The following CGGBP1 variants were observed in gnomAD, a reference collection of about 807,000 sequenced individuals.
CGGBP1 encodes CGG triplet repeat binding protein 1.
In CGGBP1, 4 loss-of-function variants were observed where a neutral mutation model predicts 11.4. The ratio of observed to expected loss-of-function variants is 0.35; its 90% CI spans 0.17 to 0.80. The LOEUF (loss-of-function observed/expected upper bound fraction) is 0.80, where lower values mean the gene tolerates loss of function less well. Among genes scored for constraint, CGGBP1 ranks in the 30% least tolerant of loss-of-function variants. The pLI is 0.52. For missense variants in CGGBP1, 135 were observed against 202.1 expected (o/e 0.67, Z 2.01); for synonymous variants, 76 against 74.1 (o/e 1.03, Z -0.13).
At position 88,054,420 on chromosome 3, in the gene CGGBP1, A is replaced by G. The variant is rs1706494510; in HGVS notation, c.*1053T>C. On this transcript the variant is annotated 3_prime_UTR_variant, in exon 4 of 4. Coordinates refer to ENST00000482016, the MANE Select transcript of CGGBP1 (RefSeq NM_001008390.2). Reference sequence around the variant, plus strand: ...GATACTGCCAGATCTCCAATACAAAAAACCTGCCAGAATTTCTAGACAATT... The same window carrying G: ...GATACTGCCAGATCTCCAATACAAAGAACCTGCCAGAATTTCTAGACAATT... The G allele has an allele frequency of 6.6e-6, 1 of 152,182 alleles. No individual in the cohort carries two copies. Among genetic ancestry groups the G allele is most frequent in the Admixed American group, 6.5e-5 (1 of 15,276 alleles). 9.4% of individuals were successfully genotyped at this position (152,182 alleles called of 1,614,324 possible).
chr3:88,111,884 T>A (rs1705109948), intron 2 of CGGBP1, among the ~76,000 whole-genome samples: 2 of 152,062 alleles, frequency 1.3e-5, no homozygotes, highest in South Asian at 4.2e-4. Flanking sequence ...CATTTAATCT[T>A]TATAATTTTG....
intron 2 of CGGBP1, among the ~76,000 whole-genome samples, chr3:88,096,522 T>A (rs961307697): frequency 2.6e-5 from 4 of 152,138 alleles, no homozygotes; most frequent in African/African-American, 9.7e-5. Flanking sequence ...CAAAGACCTT[T>A]GTTTTGGAAG....
chr3:88,143,226 T>A (rs1271331528), intron 1 of CGGBP1: 1 of 150,568 alleles, frequency 6.6e-6, no homozygotes, highest in Non-Finnish European at 1.5e-5. Flanking sequence ...GATCAGATGA[T>A]TTTTTTTTAA....
At chr3:88,076,584 G>GTT (rs1015810988) in intron 2 of CGGBP1, among the ~76,000 whole-genome samples, 2 of 151,462 alleles carry the variant, frequency 1.3e-5, no homozygotes, top group African/African-American at 4.9e-5. Flanking sequence ...GTTTTGTTTT[G>GTT]TTTTGTTTTA....
At chr3:88,064,269 A>C (rs1345595479) in intron 2 of CGGBP1, among the ~76,000 whole-genome samples, 2 of 152,060 alleles carry the variant, frequency 1.3e-5, no homozygotes, top group Admixed American at 6.6e-5. Context: ...GTTGTTTTAG[A>C]TGGAATCAGT....
At chr3:88,060,029 G>C (rs1057176399), upstream of CGGBP1, among the ~76,000 whole-genome samples, 2 of 151,954 alleles carry the variant, frequency 1.3e-5, no homozygotes, top group Non-Finnish European at 2.9e-5. Flanking sequence ...AGATCCCGCT[G>C]GGCCGGTTCT....
At chr3:88,090,893 G>C (rs779485856) in intron 2 of CGGBP1, among the ~76,000 whole-genome samples, 3 of 152,190 alleles carry the variant, frequency 2.0e-5, no homozygotes, top group Non-Finnish European at 4.4e-5. Context: ...ATTACGTAAT[G>C]TTTTAAGAAA....
chr3:88,109,337 A>T (rs1174044480), intron 2 of CGGBP1, among the ~76,000 whole-genome samples: 4 of 152,160 alleles, frequency 2.6e-5, no homozygotes, highest in African/African-American at 9.7e-5. Context: ...TTTCTGTAAG[A>T]TACCAAACCT....
At chr3:88,114,408 T>C (rs1705267488) in intron 2 of CGGBP1, among the ~76,000 whole-genome samples, 1 of 152,194 alleles carries the variant, frequency 6.6e-6, no homozygotes, top group South Asian at 2.1e-4. Context: ...ATAACATTTG[T>C]GAAGGGATAT....
rs1366313782 is a variant in CGGBP1, at chr3:88,129,478, T to A, written c.-229+11492A>T. On this transcript the variant is annotated intron_variant, in intron 2 of 3. Transcript: ENST00000462901. Reference sequence around the variant, plus strand: ...CGTATGTACCTATAGGTTGTGGACATTAATGAGATTAAAAGTAGTCATTGT... The same window carrying A: ...CGTATGTACCTATAGGTTGTGGACAATAATGAGATTAAAAGTAGTCATTGT... Among the ~76,000 whole-genome samples the A allele has an allele frequency of 7.9e-5, 12 of 152,234 alleles. No individual in the cohort carries two copies. In the East Asian group the frequency reaches 1.2e-3, roughly 15 times the overall value.
At chr3:88,094,192 A>G (rs1189686205) in intron 2 of CGGBP1, among the ~76,000 whole-genome samples, 2 of 151,468 alleles carry the variant, frequency 1.3e-5, no homozygotes, top group Non-Finnish European at 2.9e-5. Context: ...ATTACACTAG[A>G]GTATTTTGTT....
upstream of CGGBP1, among the ~76,000 whole-genome samples, chr3:88,063,957 T>G (rs1707044234): frequency 6.6e-6 from 1 of 152,208 alleles, no homozygotes; most frequent in Admixed American, 6.5e-5. Flanking sequence ...TAAATCCTAC[T>G]TAATGACCCA....
At chr3:88,143,396 T>C (rs1355981100) in intron 1 of CGGBP1, 1 of 152,254 alleles carries the variant, frequency 6.6e-6, no homozygotes, top group Non-Finnish European at 1.5e-5. Flanking sequence ...ATCTTTTCTT[T>C]AAGGTCAGCT....
chr3:88,106,444 TCTC>T (rs201005877), intron 2 of CGGBP1, among the ~76,000 whole-genome samples: 1,562 of 152,142 alleles, frequency 0.01, 26 homozygotes, highest in African/African-American at 0.035. Flanking sequence ...TTCAAGCAGT[TCTC>T]CTGCCTCAGC....
intron 2 of CGGBP1, among the ~76,000 whole-genome samples, chr3:88,104,762 A>T (rs1450389530): frequency 6.6e-6 from 1 of 152,244 alleles, no homozygotes; most frequent in African/African-American, 2.4e-5. Context: ...AGAAGGAGGA[A>T]GAAGAGGTCA....
At chr3:88,107,143 G>C (rs1704791803) in intron 2 of CGGBP1, among the ~76,000 whole-genome samples, 2 of 152,122 alleles carry the variant, frequency 1.3e-5, no homozygotes, top group Non-Finnish European at 2.9e-5. Context: ...GTGTAAATTA[G>C]TTAAGGGGAA....
intron 2 of CGGBP1, among the ~76,000 whole-genome samples, chr3:88,124,186 T>A (rs1364199668): frequency 6.6e-6 from 1 of 152,232 alleles, no homozygotes; most frequent in African/African-American, 2.4e-5. Flanking sequence ...CTAGGCACTG[T>A]TCCAAGCACT....
At chr3:88,124,744 T>A (rs1705983293) in intron 2 of CGGBP1, among the ~76,000 whole-genome samples, 1 of 150,794 alleles carries the variant, frequency 6.6e-6, no homozygotes, top group Non-Finnish European at 1.5e-5. Context: ...TGGCAATTGC[T>A]TGTGTTTTGA....
intron 2 of CGGBP1, among the ~76,000 whole-genome samples, chr3:88,116,251 T>C (rs1212366375): frequency 2.0e-5 from 3 of 152,122 alleles, no homozygotes; most frequent in Non-Finnish European, 4.4e-5. Context: ...CCAGGCATAG[T>C]GGTTCACCCC....
Sources: allele counts gnomAD v4.1 joint callset (sites outside exome capture counted in the v4.1 genomes callset), GRCh38; gene constraint gnomAD v4.1.1; transcripts MANE v1.5; gene names NCBI Gene and HGNC (gene_info 2026-07-23, HGNC 2026-07-21).